TMEM245: variants seen among roughly 807,000 people sequenced by gnomAD.
TMEM245 encodes protein CG-2.
TMEM245 carries 69 observed loss-of-function variants against 101.2 expected under a neutral mutation model. The observed-to-expected ratio is 0.68, with a 90% confidence interval of 0.56 to 0.83. The LOEUF is 0.83. Among genes scored for constraint, TMEM245 ranks in the 40% least tolerant of loss-of-function variants. The probability of loss-of-function intolerance (pLI) is 0.00; values close to 1 mark genes in which losing one functional copy is unlikely to be tolerated. For missense variants in TMEM245, 1,075 were observed against 1,092.8 expected (o/e 0.98, Z 0.23); for synonymous variants, 537 against 449.8 (o/e 1.19, Z -2.45).
chr9:109,035,447 T>C (rs984338925), intron 16 of TMEM245, among the ~76,000 whole-genome samples: 1 of 152,224 alleles, frequency 6.6e-6, no homozygotes, highest in Non-Finnish European at 1.5e-5. Flanking sequence ...TTGTATTATA[T>C]GGCTAAAGTG....
rs776910242 is a variant in TMEM245, at chr9:109,119,730, A to C, written c.184T>G (p.Phe62Val). The change falls in exon 1 of 18, where the codon TTC (phenylalanine) becomes GTC (valine). Residue 62 changes from phenylalanine (F) to valine (V), a missense_variant. Phe to Val is a conservative substitution (Grantham distance 50, BLOSUM62 -1). Around this residue, in one of 2 missense-constraint regions of TMEM245, gnomAD observed 808 missense variants for 741.5 expected, o/e 1.09. Coordinates refer to ENST00000374586, the MANE Select transcript of TMEM245 (RefSeq NM_032012.4). ...QAFYNTGAVL[F>V]VCLCCGAAVL... ...GCGGCGCCGCAGCACAGGCACACGA[A>C]CAGCACGGCCCCGGTGTTGTAGAAG... is the stretch of plus-strand genomic sequence containing the variant. 11 of 1,544,306 alleles carry C rather than the reference A, an allele frequency of 7.1e-6. No individual in the cohort carries two copies. Among genetic ancestry groups the C allele is most frequent in the Admixed American group, 1.9e-5 (1 of 52,810 alleles).
chr9:109,108,813 A>C (rs1830496510), intron 1 of TMEM245, among the ~76,000 whole-genome samples: 1 of 152,220 alleles, frequency 6.6e-6, no homozygotes, highest in Non-Finnish European at 1.5e-5. Flanking sequence ...AAAGATACAT[A>C]GTTCAAAACC....
chr9:109,083,538 A>G (rs1457354401), intron 7 of TMEM245, among the ~76,000 whole-genome samples: 3 of 152,174 alleles, frequency 2.0e-5, no homozygotes, highest in Non-Finnish European at 2.9e-5. Context: ...AATGTGAATG[A>G]AGGGCATGCA....
intron 14 of TMEM245, among the ~76,000 whole-genome samples, chr9:109,046,703 A>C (rs1370628123): frequency 6.6e-6 from 1 of 152,232 alleles, no homozygotes; most frequent in African/African-American, 2.4e-5. Flanking sequence ...TGATGCTTAT[A>C]AAAGTTGGTA....
intron 14 of TMEM245, among the ~76,000 whole-genome samples, chr9:109,041,654 T>C (rs1158537479): frequency 6.6e-6 from 1 of 151,614 alleles, no homozygotes; most frequent in East Asian, 1.9e-4. Flanking sequence ...GTAGATCTAT[T>C]GTACAGCATG....
Position 109,093,611 on chromosome 9 carries a change from T to C in TMEM245, c.800-20A>G. On this transcript the variant is annotated intron_variant, in intron 3 of 17. Coordinates refer to ENST00000374586, the MANE Select transcript of TMEM245 (RefSeq NM_032012.4). ...CTGCCCCTGTAAAAGAAGCATCCAT[T>C]TTCAAAACTCTTTAAAGTAGGAAAT... 1 of 1,593,332 alleles carries C rather than the reference T, an allele frequency of 6.3e-7. No individual in the cohort carries two copies. Among genetic ancestry groups the C allele is most frequent in the Non-Finnish European group, 8.6e-7 (1 of 1,161,720 alleles).
chr9:109,029,710 A>C (rs1362475289), intron 17 of TMEM245, among the ~76,000 whole-genome samples: 1 of 152,172 alleles, frequency 6.6e-6, no homozygotes, highest in Non-Finnish European at 1.5e-5. Flanking sequence ...TGCAAGGGAG[A>C]GTTGAGGGAA....
chr9:109,060,429 CT>C lies in TMEM245; in HGVS notation c.1646del (p.Lys549ArgfsTer2). 1 of 1,612,816 alleles carries C rather than the reference CT, an allele frequency of 6.2e-7. No individual in the cohort carries two copies. Among genetic ancestry groups the C allele is most frequent in the South Asian group, 1.1e-5 (1 of 90,876 alleles). On this transcript the variant is annotated frameshift_variant, in exon 11 of 18. Coordinates refer to ENST00000374586, the MANE Select transcript of TMEM245 (RefSeq NM_032012.4). LOFTEE classifies it high-confidence loss of function. ...TTTCAATTACAGCAGTATTGTTCAC[CT>C]TATCTCCTAGAATTTTATGGAGCTA... The part of the protein sequence containing the change: ...THKLHKILGD[K>X]VNNTAVIEKQ...
intron 1 of TMEM245, among the ~76,000 whole-genome samples, chr9:109,110,119 A>T (rs1830529530): frequency 6.6e-6 from 1 of 152,184 alleles, no homozygotes; most frequent in African/African-American, 2.4e-5. Context: ...GGGAAGTGAG[A>T]CTACAGCTGC....
chr9:109,021,967 C>T (rs2132268371), intron 17 of TMEM245, among the ~76,000 whole-genome samples: 1 of 152,276 alleles, frequency 6.6e-6, no homozygotes, highest in East Asian at 1.9e-4. Context: ...CACCTAAAAA[C>T]TCATAAAATA....
chr9:109,095,225 G>T (rs772926708), intron 3 of TMEM245, among the ~76,000 whole-genome samples: 2 of 152,178 alleles, frequency 1.3e-5, no homozygotes, highest in African/African-American at 2.4e-5. Flanking sequence ...CTCCTGAAAT[G>T]CCAATAAGAC....
In TMEM245 at chr9:109,086,097, A is replaced by G. The variant is rs1317651203; in HGVS notation, c.1321-77T>C. 4.7e-6 allele frequency: 7 copies of G among 1,487,652 alleles called. No individual in the cohort carries two copies. The African/African-American group carries it at 9.8e-5, about 21-fold the overall frequency. The allele number at this position is 1,487,652 out of a possible 1,614,324, so 92.2% of individuals were successfully genotyped here. The stretch of plus-strand genomic sequence containing the variant: ...CATTAGAGAATGCAACCATAGTATG[A>G]AAAGAAAAGGAAAGCATGAGAAGGA... On this transcript the variant is annotated intron_variant, in intron 6 of 17. Coordinates refer to ENST00000374586, the MANE Select transcript of TMEM245 (RefSeq NM_032012.4).
rs1176397611 is a variant in TMEM245 at position 109,018,295 on chromosome 9, A to C, written c.*2165T>G. On this transcript the variant is annotated 3_prime_UTR_variant, in exon 18 of 18. Coordinates refer to ENST00000374586, the MANE Select transcript of TMEM245 (RefSeq NM_032012.4). The stretch of plus-strand genomic sequence containing the variant: ...TAGCCTTTTAATGCAAAAAATTTAA[A>C]TTTAGTATTACATATGATCTGGCTA... The C allele has an allele frequency of 6.6e-6, 1 of 152,226 alleles. No homozygotes were observed. The highest frequency in any genetic ancestry group is 1.5e-5 in the Non-Finnish European group (1 of 68,036). 9.4% of individuals were successfully genotyped at this position (152,226 alleles called of 1,614,324 possible).
At chr9:109,067,713 A>G (rs897755356) in intron 9 of TMEM245, among the ~76,000 whole-genome samples, 2 of 152,164 alleles carry the variant, frequency 1.3e-5, no homozygotes, top group African/African-American at 4.8e-5. Flanking sequence ...AGTATGTATA[A>G]CATCATTATT....
intron 3 of TMEM245, among the ~76,000 whole-genome samples, chr9:109,098,736 A>C (rs532096136): frequency 1.2e-4 from 18 of 152,312 alleles, no homozygotes; most frequent in African/African-American, 4.1e-4. Flanking sequence ...TAAAGAAAAA[A>C]AAGGAAAGAA....
chr9:109,077,852 T>G (rs1343928277), intron 8 of TMEM245, among the ~76,000 whole-genome samples: 1 of 152,196 alleles, frequency 6.6e-6, no homozygotes, highest in Non-Finnish European at 1.5e-5. Flanking sequence ...TGGAACTTGC[T>G]TTTTATATTC....
chr9:109,027,358 G>A (rs1456955188), intron 17 of TMEM245, among the ~76,000 whole-genome samples: 1 of 151,864 alleles, frequency 6.6e-6, no homozygotes, highest in Non-Finnish European at 1.5e-5. Context: ...CCCCTCTGGA[G>A]AAGGTAAAAC....
chr9:109,041,387 C>T (rs958455125), intron 14 of TMEM245, among the ~76,000 whole-genome samples: 2 of 150,462 alleles, frequency 1.3e-5, no homozygotes, highest in African/African-American at 2.5e-5. Flanking sequence ...TAGACAAATA[C>T]TGCATGTGGA....
In TMEM245 at chr9:109,064,643, T is replaced by C. The variant is rs1430686190; in HGVS notation, c.1533-76A>G. ...TACCAATAATGCTTTGAACTTGATA[T>C]GCTTAATCCATAACAGACAGACTGT... On this transcript the variant is annotated intron_variant, in intron 9 of 17. Transcript: ENST00000374586. 2.5e-6 allele frequency: 3 copies of C among 1,208,830 alleles called. No individual in the cohort carries two copies. In the African/African-American group the frequency reaches 4.5e-5, roughly 18 times the overall value. 74.9% of individuals were successfully genotyped at this position (1,208,830 alleles called of 1,614,324 possible).
Sources: gnomAD v4.1 joint callset for allele counts (sites outside exome capture counted in the v4.1 genomes callset) on GRCh38, gnomAD v4.1.1 for gene constraint, gnomAD v4.1.1 regional missense constraint, MANE v1.5 for transcripts, NCBI Gene and HGNC (gene_info 2026-07-23, HGNC 2026-07-21) for gene names.